KLF15: variants seen among roughly 807,000 people sequenced by gnomAD.
KLF15 encodes the protein KLF transcription factor 15, also known as Krueppel-like factor 15.
Under a neutral mutation model 24.6 loss-of-function variants are expected in KLF15, and 4 were observed. The ratio of observed to expected loss-of-function variants is 0.16; its 90% CI spans 0.08 to 0.37. The LOEUF (loss-of-function observed/expected upper bound fraction) is 0.37, where lower values mean the gene tolerates loss of function less well. Among genes scored for constraint, KLF15 ranks in the 10% least tolerant of loss-of-function variants. The probability of loss-of-function intolerance (pLI) is 1.00; values close to 1 mark genes in which losing one functional copy is unlikely to be tolerated. For missense variants in KLF15, 496 were observed against 560.6 expected (o/e 0.88, Z 1.16); for synonymous variants, 246 against 236.3 (o/e 1.04, Z -0.37).
the KLF15 span, among the ~76,000 whole-genome samples, chr3:126,288,647 A>G: frequency 1.3e-5 from 2 of 152,232 alleles, no homozygotes; most frequent in African/African-American, 4.8e-5. Flanking sequence ...GAGGGCGTGA[A>G]GTTGGCTGCG....
chr3:126,294,036 C>T, the KLF15 span: 8 of 152,442 alleles, frequency 5.2e-5, no homozygotes, highest in East Asian at 1.9e-4. Flanking sequence ...GTGTCAGGGC[C>T]GGCTTTTTAA....
At chr3:126,299,353 T>A in the KLF15 span, among the ~76,000 whole-genome samples, 1 of 152,202 alleles carries the variant, frequency 6.6e-6, no homozygotes, top group African/African-American at 2.4e-5. Flanking sequence ...ATTGATTTTG[T>A]ATCCTGAAAG....
chr3:126,293,144 TAA>T, the KLF15 span, among the ~76,000 whole-genome samples: 22 of 118,528 alleles, frequency 1.9e-4, no homozygotes, highest in Admixed American at 1.7e-4. Context: ...ACTGCATCTC[TAA>T]AAAAAAAAAA....
the KLF15 span, among the ~76,000 whole-genome samples, chr3:126,321,936 C>T: frequency 6.6e-6 from 1 of 152,166 alleles, no homozygotes; most frequent in African/African-American, 2.4e-5. Context: ...TCATCTACAC[C>T]GAAGAGCAAA....
chr3:126,315,462 G>A, the KLF15 span, among the ~76,000 whole-genome samples: 1 of 152,178 alleles, frequency 6.6e-6, no homozygotes, highest in Non-Finnish European at 1.5e-5. Flanking sequence ...GGGGAGGGGC[G>A]GGACCTAGGG....
intron 2 of KLF15, among the ~76,000 whole-genome samples, chr3:126,346,710 T>C (rs2082538062): frequency 6.6e-6 from 1 of 151,940 alleles, no homozygotes; most frequent in Non-Finnish European, 1.5e-5. Context: ...AACTGAGCCC[T>C]CAGAAGACCC....
At chr3:126,327,992 C>T in the KLF15 span, among the ~76,000 whole-genome samples, 2 of 152,006 alleles carry the variant, frequency 1.3e-5, no homozygotes, top group African/African-American at 4.8e-5. Flanking sequence ...TGTGTAAGTT[C>T]TTTAGTGGTG....
chr3:126,301,388 C>T, the KLF15 span, among the ~76,000 whole-genome samples: 2 of 152,140 alleles, frequency 1.3e-5, no homozygotes, highest in South Asian at 4.1e-4. Context: ...CAGATCTGCT[C>T]TTCTGGCTGG....
chr3:126,337,640 C>T (rs2082448376), downstream of KLF15, among the ~76,000 whole-genome samples: 1 of 151,802 alleles, frequency 6.6e-6, no homozygotes, highest in Non-Finnish European at 1.5e-5. Flanking sequence ...ATTAAGTTTC[C>T]TGGGGTGAAG....
the KLF15 span, among the ~76,000 whole-genome samples, chr3:126,292,361 T>C: frequency 6.6e-6 from 1 of 152,176 alleles, no homozygotes; most frequent in East Asian, 1.9e-4. Context: ...TCTATTGCTA[T>C]CTTTCCCTCC....
At chr3:126,323,447 T>TAA in the KLF15 span, among the ~76,000 whole-genome samples, 8 of 52,216 alleles carry the variant, frequency 1.5e-4, no homozygotes, top group African/African-American at 5.5e-4. Context: ...CATATATATG[T>TAA]TATATATATA....
chr3:126,301,610 C>CTTTTTTTTTTTTTTTTTTTTTTTTTTT, the KLF15 span, among the ~76,000 whole-genome samples: 3 of 132,284 alleles, frequency 2.3e-5, no homozygotes, highest in African/African-American at 2.9e-5. Context: ...TTTTCTTTTT[C>CTTTTTTTTTTTTTTTTTTTTTTTTTTT]TTTTTTTTTT....
At chr3:126,299,468 TG>T in the KLF15 span, among the ~76,000 whole-genome samples, 1 of 151,888 alleles carries the variant, frequency 6.6e-6, no homozygotes, top group African/African-American at 2.4e-5. Flanking sequence ...AGGAGATGAC[TG>T]CCGGGCACGG....
In KLF15 at chr3:126,352,817, G is replaced by T. The variant is rs2082596830; in HGVS notation, c.106C>A (p.Pro36Thr). Reference sequence around the variant, plus strand: ...CTGTCATCTTCAGAGACGGGTGAGGGCAGCATGTGATATGCCCGCCGGCCA... The same window carrying T: ...CTGTCATCTTCAGAGACGGGTGAGGTCAGCATGTGATATGCCCGCCGGCCA... The part of the protein sequence containing the change: ...LVGRRAYHML[P>T]SPVSEDDSDA... Residue 36 changes from proline (P) to threonine (T), a missense_variant, in exon 2 of 3, where the codon CCC becomes ACC. Pro to Thr is a conservative substitution (Grantham distance 38). Transcript: ENST00000296233. The T allele has an allele frequency of 1.2e-6, 2 of 1,603,088 alleles. No individual in the cohort carries two copies. The highest frequency in any genetic ancestry group is 1.7e-6 in the Non-Finnish European group (2 of 1,174,972).
chr3:126,354,897 G>C (rs1202474888), intron 1 of KLF15, among the ~76,000 whole-genome samples: 1 of 152,210 alleles, frequency 6.6e-6, no homozygotes, highest in African/African-American at 2.4e-5. Context: ...CTGTGAGATG[G>C]GGGTGCTTCC....
At chr3:126,347,648 G>T (rs1466884448) in intron 2 of KLF15, among the ~76,000 whole-genome samples, 2 of 152,236 alleles carry the variant, frequency 1.3e-5, no homozygotes, top group Non-Finnish European at 2.9e-5. Context: ...TGACAGTGAG[G>T]CAAGGAAACT....
the KLF15 span, among the ~76,000 whole-genome samples, chr3:126,329,919 T>A: frequency 6.6e-6 from 1 of 152,136 alleles, no homozygotes; most frequent in African/African-American, 2.4e-5. Context: ...CTCTACTTAC[T>A]GTTGCAGTTT....
chr3:126,353,758 C>T (rs1019106761), intron 1 of KLF15, among the ~76,000 whole-genome samples: 6 of 152,338 alleles, frequency 3.9e-5, no homozygotes, highest in Admixed American at 1.3e-4. Flanking sequence ...GTGGCACAGG[C>T]TTGAACGCAA....
intron 1 of KLF15, among the ~76,000 whole-genome samples, chr3:126,353,420 A>AC (rs2082604129): frequency 6.6e-6 from 1 of 152,148 alleles, no homozygotes; most frequent in Non-Finnish European, 1.5e-5. Flanking sequence ...TTGCCCTCTG[A>AC]CCCTCATGTT....
Sources: gnomAD v4.1 joint callset for allele counts (sites outside exome capture counted in the v4.1 genomes callset) on GRCh38, gnomAD v4.1.1 for gene constraint, MANE v1.5 for transcripts, NCBI Gene and HGNC (gene_info 2026-07-23, HGNC 2026-07-21) for gene names.